The following ARHGAP31 variants were observed in gnomAD, a reference collection of about 807,000 sequenced individuals.
ARHGAP31 encodes rho GTPase-activating protein 31.
A neutral mutation model predicts 113.9 loss-of-function variants in ARHGAP31; 34 were observed. The observed-to-expected ratio is 0.30, with a 90% CI of 0.23 to 0.40. The LOEUF is 0.40. Ranked by LOEUF, ARHGAP31 falls within the 10% of genes least tolerant of loss-of-function variation. The pLI is 1.00. For synonymous variants in ARHGAP31, 650 were observed against 684.8 expected, an observed-to-expected ratio of 0.95 and a Z score of 0.79; for missense variants, 1,548 against 1,767.1, an observed-to-expected ratio of 0.88 and a Z score of 2.22.
chr3:119,329,940 C>T (rs2079876944), intron 1 of ARHGAP31: 3 of 985,356 alleles, frequency 3.0e-6, no homozygotes, highest in South Asian at 9.4e-5. Flanking sequence ...AACAAAGACG[C>T]TGAAGAAGTC....
At chr3:119,406,199 G>A (rs2080659090) in intron 10 of ARHGAP31, among the ~76,000 whole-genome samples, 1 of 152,074 alleles carries the variant, frequency 6.6e-6, no homozygotes, top group South Asian at 2.1e-4. Flanking sequence ...GTGAGTGATA[G>A]GTACAAACTC....
intron 1 of ARHGAP31, among the ~76,000 whole-genome samples, chr3:119,364,842 C>T (rs1380659926): frequency 2.0e-5 from 3 of 152,102 alleles, no homozygotes; most frequent in African/African-American, 7.2e-5. Context: ...CCTATAATCC[C>T]AGTTCTTTGG....
At chr3:119,393,404 A>G in intron 7 of ARHGAP31, 63 bp from the exon 8 acceptor site, 1 of 1,604,222 alleles carries the variant, frequency 6.2e-7, no homozygotes, top group Non-Finnish European at 8.5e-7. Flanking sequence ...TTTGGTCTCA[A>G]TTTAAAAGTC....
chr3:119,323,966 A>T (rs1160954382), intron 1 of ARHGAP31, among the ~76,000 whole-genome samples: 1 of 151,910 alleles, frequency 6.6e-6, no homozygotes, highest in African/African-American at 2.4e-5. Context: ...CCCCAAGGAG[A>T]CAGAGGGTAC....
chr3:119,380,439 G>A (rs1235281138), intron 3 of ARHGAP31, among the ~76,000 whole-genome samples: 2 of 151,906 alleles, frequency 1.3e-5, no homozygotes, highest in African/African-American at 2.4e-5. Flanking sequence ...ATGTTTTAGA[G>A]ACAGGTTGCA....
chr3:119,351,599 A>G (rs545008803), intron 1 of ARHGAP31, among the ~76,000 whole-genome samples: 14 of 150,768 alleles, frequency 9.3e-5, no homozygotes, highest in African/African-American at 2.9e-4. Context: ...ATAAGCACCC[A>G]TGAGGTATGC....
chr3:119,392,080 A>G (rs1365560393), intron 7 of ARHGAP31, among the ~76,000 whole-genome samples: 1 of 152,198 alleles, frequency 6.6e-6, no homozygotes, highest in Non-Finnish European at 1.5e-5. Context: ...ACCCAAGGAT[A>G]AAAGCTTGAC....
intron 10 of ARHGAP31, among the ~76,000 whole-genome samples, chr3:119,407,005 C>T (rs1158855033): frequency 1.3e-5 from 2 of 152,106 alleles, no homozygotes; most frequent in Non-Finnish European, 2.9e-5. Context: ...TACTAGGACC[C>T]TATTTCAGGA....
At chr3:119,392,402 T>G (rs1434952672) in intron 7 of ARHGAP31, among the ~76,000 whole-genome samples, 2 of 152,186 alleles carry the variant, frequency 1.3e-5, no homozygotes, top group African/African-American at 4.8e-5. Flanking sequence ...AAGCCTTGTT[T>G]GCACCACTGA....
rs1224340843 is a variant in ARHGAP31 at position 119,417,845 on chromosome 3, A to G, written c.*1581A>G. 6.6e-6 allele frequency: 1 copy of G among 152,106 alleles called. No homozygotes were observed. The highest frequency in any genetic ancestry group is 2.4e-5 in the African/African-American group (1 of 41,394). 9.4% of individuals were successfully genotyped at this position (152,106 alleles called of 1,614,324 possible). Reference sequence around the variant, plus strand: ...TCACAGGGCATCTCTTCTCAGGTTCAAGCCTGGCTGAATTCTGCCCAGAAG... The same window carrying G: ...TCACAGGGCATCTCTTCTCAGGTTCGAGCCTGGCTGAATTCTGCCCAGAAG... On this transcript the variant is annotated 3_prime_UTR_variant, in exon 12 of 12. Coordinates refer to ENST00000264245, the MANE Select transcript of ARHGAP31 (RefSeq NM_020754.4).
intron 5 of ARHGAP31, 28 bp from the exon 6 acceptor site, chr3:119,383,056 A>G (rs898795745): frequency 1.9e-6 from 3 of 1,613,680 alleles, no homozygotes; most frequent in Non-Finnish European, 1.7e-6. Flanking sequence ...CAAACTCACT[A>G]ACTGAATATG....
At chr3:119,334,126 A>C (rs2079920720) in intron 1 of ARHGAP31, among the ~76,000 whole-genome samples, 1 of 152,044 alleles carries the variant, frequency 6.6e-6, no homozygotes, top group Non-Finnish European at 1.5e-5. Context: ...CCCTTCCCCC[A>C]GGCACAGTGA....
At position 119,294,781 on chromosome 3, in the gene ARHGAP31, C is replaced by T; in HGVS notation, c.-124C>T. ...GCAGGGCCCCCAGCCCAAGTTCTTC[C>T]ATCTTCCGATGCGGCCCCCCAGAGC... On this transcript the variant is annotated 5_prime_UTR_variant, in exon 1 of 12. Coordinates refer to ENST00000264245, the MANE Select transcript of ARHGAP31 (RefSeq NM_020754.4). The T allele has an allele frequency of 2.2e-6, 2 of 922,946 alleles. No homozygotes were observed. The highest frequency in any genetic ancestry group is 2.5e-5 in the East Asian group (1 of 40,004). The allele number at this position is 922,946 out of a possible 1,614,324, so 57.2% of individuals were successfully genotyped here.
intron 1 of ARHGAP31, among the ~76,000 whole-genome samples, chr3:119,329,315 G>A (rs2079871526): frequency 6.6e-6 from 1 of 152,068 alleles, no homozygotes; most frequent in Middle Eastern, 3.2e-3. Flanking sequence ...ACCTAGAATT[G>A]CCCAACATGC....
intron 1 of ARHGAP31, chr3:119,314,386 C>T (rs1486933130): frequency 1.3e-5 from 2 of 152,350 alleles, no homozygotes; most frequent in Admixed American, 1.3e-4. Flanking sequence ...CTCATCCCCA[C>T]CTAATCCCTG....
chr3:119,402,385 G>A lies in ARHGAP31; in HGVS notation c.1633G>A (p.Glu545Lys). 3 of 1,613,256 alleles carry A rather than the reference G, an allele frequency of 1.9e-6. No homozygotes were observed. Among genetic ancestry groups the A allele is most frequent in the Non-Finnish European group, 2.5e-6 (3 of 1,179,938 alleles). The change falls in exon 10 of 12, where the codon GAG (glutamate) becomes AAG (lysine). Residue 545 changes from glutamate (E) to lysine (K), a missense_variant. By Grantham distance (56) the Glu-to-Lys change is moderately conservative. Coordinates refer to ENST00000264245, the MANE Select transcript of ARHGAP31 (RefSeq NM_020754.4). ...AGAAGAAGAGAAACCGCTGGGAGCT[G>A]AGACTTCTGCAGGTAAGTAGAGGAG... Reference protein sequence around the residue: ...WPEEEKPLGAETSAASVPKKA... With the variant: ...WPEEEKPLGAKTSAASVPKKA...
At chr3:119,353,303 T>TC (rs1439755549) in intron 1 of ARHGAP31, among the ~76,000 whole-genome samples, 2 of 152,186 alleles carry the variant, frequency 1.3e-5, no homozygotes, top group African/African-American at 2.4e-5. Flanking sequence ...CTGCCTGACT[T>TC]CCCCACCAGC....
Position 119,415,373 on chromosome 3 carries a change from T to C in ARHGAP31, c.3444T>C (p.Ser1148=), listed in dbSNP as rs569155277. Residue 1148 remains serine (S), a synonymous_variant, in exon 12 of 12, where the codon TCT becomes TCC. Transcript: ENST00000264245. ...CAAAGGTCACATGGATGACCTCATCTTACTGTAAAGCAGACCCCTGGAGGG... is the reference window on the plus strand; with the variant it reads ...CAAAGGTCACATGGATGACCTCATCCTACTGTAAAGCAGACCCCTGGAGGG... ...GDPKVTWMTS[S]YCKADPWRVY... 6.2e-7 allele frequency: 1 copy of C among 1,614,116 alleles called. No individual in the cohort carries two copies. Among genetic ancestry groups the C allele is most frequent in the East Asian group, 2.2e-5 (1 of 44,872 alleles).
intron 3 of ARHGAP31, among the ~76,000 whole-genome samples, chr3:119,373,985 G>A (rs565734857): frequency 2.0e-5 from 3 of 152,180 alleles, no homozygotes; most frequent in Non-Finnish European, 4.4e-5. Flanking sequence ...ACATTTTGGA[G>A]AGTACATGTC....
Sources: gnomAD v4.1 joint callset for allele counts (sites outside exome capture counted in the v4.1 genomes callset) on GRCh38, gnomAD v4.1.1 for gene constraint, MANE v1.5 for transcripts, NCBI Gene and HGNC (gene_info 2026-07-23, HGNC 2026-07-21) for gene names.